ZNF454: variants seen among roughly 807,000 people sequenced by gnomAD.
ZNF454 encodes the protein zinc finger protein 454.
In ZNF454, 30 loss-of-function variants were observed where a neutral mutation model predicts 48.2. The observed-to-expected ratio is 0.62, with a 90% CI of 0.47 to 0.84. The LOEUF (loss-of-function observed/expected upper bound fraction) is 0.84. ZNF454 is among the 40% of genes least tolerant of loss of function. ZNF454 has a pLI of 0.00. For synonymous variants in ZNF454, 204 were observed against 211.4 expected (o/e 0.97, Z 0.30); for missense variants, 510 against 623.1 (o/e 0.82, Z 1.93).
the ZNF454 span, chr5:178,985,613 G>A: frequency 8.4e-6 from 3 of 357,660 alleles, no homozygotes; most frequent in African/African-American, 2.2e-5. Flanking sequence ...TGAGGCAGGA[G>A]AATGGCGTGA....
the ZNF454 span, chr5:178,987,077 C>T: frequency 6.5e-5 from 85 of 1,304,974 alleles, no homozygotes; most frequent in Non-Finnish European, 8.3e-5. Context: ...AAAGGAGGAG[C>T]TTAACAAGCA....
At position 178,946,776 on chromosome 5, in the gene ZNF454, C is replaced by G; in HGVS notation, c.161-121C>G. On this transcript the variant is annotated intron_variant, in intron 3 of 4. Coordinates refer to ENST00000519564, the MANE Select transcript of ZNF454 (RefSeq NM_001178089.3). The surrounding 1 kb of genome is among the most constrained non-coding windows in gnomAD (Gnocchi z 4.5). The stretch of plus-strand genomic sequence containing the variant: ...CCTCCCTCTGGGAACACACCTGACC[C>G]TGGGCTTTCCTATCAAGTCCCATTT... 1 of 936,834 alleles carries G rather than the reference C, an allele frequency of 1.1e-6. No homozygotes were observed. The highest frequency in any genetic ancestry group is 1.7e-6 in the Non-Finnish European group (1 of 598,948). The allele number at this position is 936,834 out of a possible 1,614,324, so 58.0% of individuals were successfully genotyped here.
At chr5:178,986,773 G>A in the ZNF454 span, 2 of 1,610,390 alleles carry the variant, frequency 1.2e-6, no homozygotes, top group Non-Finnish European at 1.7e-6. Flanking sequence ...ACAAAACACA[G>A]GCTGGGGCGT....
chr5:178,947,314 T>G (rs1271235726), intron 4 of ZNF454, among the ~76,000 whole-genome samples: 1 of 152,212 alleles, frequency 6.6e-6, no homozygotes, highest in African/African-American at 2.4e-5. Flanking sequence ...CATCTGACAG[T>G]GCAGTCTCTG....
chr5:178,985,795 T>G, the ZNF454 span: 2 of 509,818 alleles, frequency 3.9e-6, no homozygotes, highest in Non-Finnish European at 7.4e-6. Context: ...AGGGTCTTAC[T>G]CTGACACCCA....
At chr5:178,980,058 A>G in the ZNF454 span, 1 of 154,412 alleles carries the variant, frequency 6.5e-6, no homozygotes, top group Non-Finnish European at 1.5e-5. The surrounding 1 kb of genome is among the most constrained non-coding windows in gnomAD (Gnocchi z 4.3). Flanking sequence ...CGCAACAGAA[A>G]TGTTTCTCAG....
chr5:178,963,365 A>G (rs1405158670), intron 4 of ZNF454, among the ~76,000 whole-genome samples: 1 of 151,820 alleles, frequency 6.6e-6, no homozygotes, highest in African/African-American at 2.4e-5. Flanking sequence ...TTGAACAAGG[A>G]TATATTATTC....
chr5:178,975,636 A>G, the ZNF454 span: 3 of 368,690 alleles, frequency 8.1e-6, no homozygotes, highest in Non-Finnish European at 1.7e-5. Flanking sequence ...CGAGTAAATT[A>G]AAGTCCTTGA....
the ZNF454 span, among the ~76,000 whole-genome samples, chr5:178,982,275 G>A: frequency 6.6e-6 from 1 of 152,156 alleles, no homozygotes; most frequent in Non-Finnish European, 1.5e-5. Flanking sequence ...TTAATGGGTT[G>A]GCAGTTATAA....
chr5:178,978,455 G>C, the ZNF454 span: 1 of 152,198 alleles, frequency 6.6e-6, no homozygotes, highest in Non-Finnish European at 1.5e-5. Context: ...GATAAGAAAT[G>C]GGACAAAGCT....
chr5:178,946,558 A>G lies in ZNF454; in HGVS notation c.160+73A>G. 1 of 1,520,922 alleles carries G rather than the reference A, an allele frequency of 6.6e-7. No homozygotes were observed. Among genetic ancestry groups the G allele is most frequent in the Non-Finnish European group, 8.8e-7 (1 of 1,137,648 alleles). 94.2% of individuals were successfully genotyped at this position (1,520,922 alleles called of 1,614,324 possible). On this transcript the variant is annotated intron_variant, in intron 3 of 4. Transcript: ENST00000519564. The surrounding 1 kb of genome is among the most constrained non-coding windows in gnomAD (Gnocchi z 4.5). ...TGGGACCCTTACATTGACACCATATAGAAGAGTCGGTTGGACCAACTGAGG... is the reference window on the plus strand; with the variant it reads ...TGGGACCCTTACATTGACACCATATGGAAGAGTCGGTTGGACCAACTGAGG...
rs1581854472 is a variant in ZNF454, at chr5:178,943,784, G to T, written c.33+960G>T. The stretch of plus-strand genomic sequence containing the variant: ...CTCACGCCTGTAATCCCAGCACTTT[G>T]GGAGGCCAAGGCCAGCGGATCACGA... On this transcript the variant is annotated intron_variant, in intron 2 of 4. Transcript: ENST00000519564. Among the ~76,000 whole-genome samples, 5 of 152,324 alleles carry T rather than the reference G, an allele frequency of 3.3e-5. 1 individual carries two copies. The highest frequency in any genetic ancestry group is 3.3e-4 in the Admixed American group (5 of 15,304).
At chr5:178,961,793 G>A (rs1467636707) in intron 4 of ZNF454, among the ~76,000 whole-genome samples, 1 of 150,136 alleles carries the variant, frequency 6.7e-6, no homozygotes, top group Non-Finnish European at 1.5e-5. Context: ...ACTCCAGCCT[G>A]GGCAACAGAG....
chr5:178,942,882 T>C, intron 2 of ZNF454, 58 bp downstream of exon 2: 1 of 1,576,644 alleles, frequency 6.3e-7, no homozygotes, highest in Non-Finnish European at 8.6e-7. Flanking sequence ...TGTGGCATGT[T>C]TGCTTCCTCA....
At chr5:178,970,798 T>G (rs1338703032), downstream of ZNF454, among the ~76,000 whole-genome samples, 3 of 152,202 alleles carry the variant, frequency 2.0e-5, no homozygotes, top group African/African-American at 7.2e-5. Flanking sequence ...AGTGCCCAGT[T>G]TCTAAGATGT....
At chr5:178,943,760 T>C (rs1759205336) in intron 2 of ZNF454, among the ~76,000 whole-genome samples, 1 of 152,220 alleles carries the variant, frequency 6.6e-6, no homozygotes, top group Non-Finnish European at 1.5e-5. Flanking sequence ...ACGCGGTGGC[T>C]CACGCCTGTA....
chr5:178,945,696 G>T (rs1759303242), intron 2 of ZNF454, among the ~76,000 whole-genome samples: 1 of 150,606 alleles, frequency 6.6e-6, no homozygotes, highest in South Asian at 2.1e-4. Context: ...TCTGTGTGTG[G>T]GGGGGTGTGG....
the ZNF454 span, chr5:178,989,425 G>C: frequency 4.3e-6 from 7 of 1,613,718 alleles, no homozygotes; most frequent in African/African-American, 6.7e-5. Context: ...GGGAAGAAGG[G>C]GGAGGGTGGC....
chr5:178,982,814 TA>T, the ZNF454 span: 1 of 874,716 alleles, frequency 1.1e-6, no homozygotes, highest in Non-Finnish European at 1.9e-6. Flanking sequence ...AGATACGGGA[TA>T]AACAAAAGCA....
Sources: gnomAD v4.1 joint callset for allele counts (sites outside exome capture counted in the v4.1 genomes callset) on GRCh38, gnomAD v4.1.1 for gene constraint, Gnocchi (gnomAD v3.1) non-coding constraint, MANE v1.5 for transcripts, NCBI Gene and HGNC (gene_info 2026-07-23, HGNC 2026-07-21) for gene names.